The following KIRREL3 variants were observed in gnomAD, a reference collection of about 807,000 sequenced individuals.
KIRREL3 encodes kin of IRRE-like protein 3.
A neutral mutation model predicts 89.7 loss-of-function variants in KIRREL3; 36 were observed. That is an observed-to-expected ratio of 0.40 (90% CI 0.31 to 0.53). The LOEUF is 0.53. KIRREL3 is among the 20% of genes least tolerant of loss of function. KIRREL3 has a pLI of 0.49. For missense variants in KIRREL3, 864 were observed against 1,056.6 expected, an observed-to-expected ratio of 0.82 and a Z score of 2.53; for synonymous variants, 445 against 441.4, an observed-to-expected ratio of 1.01 and a Z score of -0.10.
In KIRREL3 at chr11:126,811,747, C is replaced by A. The variant is rs992694669; in HGVS notation, c.55+188708G>T. Among the ~76,000 whole-genome samples the A allele has an allele frequency of 2.0e-5, 3 of 152,098 alleles. No homozygotes were observed. Among genetic ancestry groups the A allele is most frequent in the Non-Finnish European group, 4.4e-5 (3 of 68,012 alleles). On this transcript the variant is annotated intron_variant, in intron 1 of 16. Coordinates refer to ENST00000525144, the MANE Select transcript of KIRREL3 (RefSeq NM_032531.4). The surrounding 1 kb of genome is among the most constrained non-coding windows in gnomAD (Gnocchi z 4.3). ...GATTACCGGCGCCTGCTACCATGCC[C>A]AGCTAATTTTTGTACCTTTAGTAGA...
rs994561672 is a variant in KIRREL3, at chr11:126,642,534, G to T, written c.56-79622C>A. Among the ~76,000 whole-genome samples the T allele has an allele frequency of 6.6e-6, 1 of 152,170 alleles. No individual in the cohort carries two copies. The highest frequency in any genetic ancestry group is 1.5e-5 in the Non-Finnish European group (1 of 68,036). On this transcript the variant is annotated intron_variant, in intron 1 of 16. Transcript: ENST00000525144. This position sits in a 1 kb window ranked among gnomAD's most constrained non-coding sequence, Gnocchi z 4.9. The stretch of plus-strand genomic sequence containing the variant: ...ATCCCCTTTCCTCTGCCTTTTCCAA[G>T]CAAACTCTTACTCTAGGAAATACAT...
chr11:126,719,272 C>T lies in KIRREL3; in HGVS notation c.56-156360G>A, dbSNP rs1216789283. Among the ~76,000 whole-genome samples the T allele has an allele frequency of 2.0e-5, 3 of 152,194 alleles. No individual in the cohort carries two copies. Among genetic ancestry groups the T allele is most frequent in the Non-Finnish European group, 4.4e-5 (3 of 68,046 alleles). Reference sequence around the variant, plus strand: ...TGTTGACAAATCCAATGGTCAACTCCTTGTTGACACAAATGGCCAGCTCTT... The same window carrying T: ...TGTTGACAAATCCAATGGTCAACTCTTTGTTGACACAAATGGCCAGCTCTT... On this transcript the variant is annotated intron_variant, in intron 1 of 16. Transcript: ENST00000525144. The surrounding 1 kb of genome is among the most constrained non-coding windows in gnomAD (Gnocchi z 4.7).
At chr11:126,650,163 G>T (rs775351104) in intron 1 of KIRREL3, among the ~76,000 whole-genome samples, 1 of 152,222 alleles carries the variant, frequency 6.6e-6, no homozygotes, top group South Asian at 2.1e-4. Flanking sequence ...CCCTGGGCCC[G>T]TCCCATGAAA....
At chr11:126,922,526 A>G (rs1947394246) in intron 1 of KIRREL3, among the ~76,000 whole-genome samples, 2 of 151,976 alleles carry the variant, frequency 1.3e-5, no homozygotes, top group South Asian at 4.2e-4. Flanking sequence ...AGAAGCATGT[A>G]ACGTTCCCTC....
Position 126,684,816 on chromosome 11 carries a change from G to C in KIRREL3, c.56-121904C>G, listed in dbSNP as rs967665545. ...GAAAGGTGCGGCAGGTTGCGTGTGC[G>C]GGAGGGGAGAGGTAGTGTTGGCTTG... is the stretch of plus-strand genomic sequence containing the variant. On this transcript the variant is annotated intron_variant, in intron 1 of 16. Transcript: ENST00000525144. This position sits in a 1 kb window ranked among gnomAD's most constrained non-coding sequence, Gnocchi z 4.2. 6.6e-6 allele frequency among the ~76,000 whole-genome samples: 1 copy of C among 152,138 alleles called. No individual in the cohort carries two copies. The highest frequency in any genetic ancestry group is 2.4e-5 in the African/African-American group (1 of 41,426).
At chr11:126,818,521 G>A (rs1287332206) in intron 1 of KIRREL3, among the ~76,000 whole-genome samples, 1 of 152,000 alleles carries the variant, frequency 6.6e-6, no homozygotes, top group Non-Finnish European at 1.5e-5. Context: ...ATAAAAACAT[G>A]TCTATACCTA....
At chr11:126,823,334 T>G (rs1192627029) in intron 1 of KIRREL3, among the ~76,000 whole-genome samples, 1 of 152,212 alleles carries the variant, frequency 6.6e-6, no homozygotes, top group African/African-American at 2.4e-5. Context: ...GTTGCTCATC[T>G]AACCTCCAGG....
chr11:126,436,969 G>A lies in KIRREL3; in HGVS notation c.1394C>T (p.Ser465Leu), dbSNP rs1327910899. Residue 465 changes from serine (S) to leucine (L), a missense_variant, in exon 12 of 17, where the codon TCG becomes TTG. By Grantham distance (145) the Ser-to-Leu change is moderately radical (BLOSUM62 -2). Transcript: ENST00000525144. ...GATGGTCTCCACCGTATAGCGCCCC[G>A]ATGTGCCCGACTCCAGAACGTTCTC... ...WKENVLESGT[S>L]GRYTVETIST... 6 of 1,584,342 alleles carry A rather than the reference G, an allele frequency of 3.8e-6. No individual in the cohort carries two copies. Among genetic ancestry groups the A allele is most frequent in the East Asian group, 4.5e-5 (2 of 43,994 alleles).
intron 1 of KIRREL3, among the ~76,000 whole-genome samples, chr11:126,790,007 T>C (rs945207759): frequency 6.6e-6 from 1 of 152,214 alleles, no homozygotes; most frequent in Non-Finnish European, 1.5e-5. Flanking sequence ...CCTGAACCTC[T>C]TGATGTCTCA....
At chr11:126,894,757 T>C (rs760869532) in intron 1 of KIRREL3, among the ~76,000 whole-genome samples, 8 of 150,958 alleles carry the variant, frequency 5.3e-5, no homozygotes, top group Non-Finnish European at 7.4e-5. Context: ...TCAAAATCAA[T>C]CAATTGATCA....
chr11:126,729,926 C>T lies in KIRREL3; in HGVS notation c.56-167014G>A, dbSNP rs1419822882. 6.6e-6 allele frequency among the ~76,000 whole-genome samples: 1 copy of T among 152,180 alleles called. No homozygotes were observed. Among genetic ancestry groups the T allele is most frequent in the Admixed American group, 6.5e-5 (1 of 15,286 alleles). On this transcript the variant is annotated intron_variant, in intron 1 of 16. Transcript: ENST00000525144. The surrounding 1 kb of genome is among the most constrained non-coding windows in gnomAD (Gnocchi z 4.5). ...CTGGCAGACAGTTTTCTGCCCTTCCCTTCCTTGACATTTCTGTGACATTTG... is the reference window on the plus strand; with the variant it reads ...CTGGCAGACAGTTTTCTGCCCTTCCTTTCCTTGACATTTCTGTGACATTTG...
In KIRREL3 at chr11:126,708,633, G is replaced by C. The variant is rs980096958; in HGVS notation, c.56-145721C>G. ...CTCAACGTCCAGGAGAGGCACCGGCGAACTCGAGAGCCAAGAGCGGCACTC... is the reference window on the plus strand; with the variant it reads ...CTCAACGTCCAGGAGAGGCACCGGCCAACTCGAGAGCCAAGAGCGGCACTC... On this transcript the variant is annotated intron_variant, in intron 1 of 16. Coordinates refer to ENST00000525144, the MANE Select transcript of KIRREL3 (RefSeq NM_032531.4). The surrounding 1 kb of genome is among the most constrained non-coding windows in gnomAD (Gnocchi z 5.7). 2.0e-5 allele frequency among the ~76,000 whole-genome samples: 3 copies of C among 152,140 alleles called. No individual in the cohort carries two copies. The highest frequency in any genetic ancestry group is 6.5e-5 in the Admixed American group (1 of 15,278).
intron 1 of KIRREL3, among the ~76,000 whole-genome samples, chr11:126,593,384 C>T (rs904194017): frequency 6.6e-6 from 1 of 152,226 alleles, no homozygotes; most frequent in African/African-American, 2.4e-5. Context: ...AGCAAGCAGC[C>T]TCATCACACT....
In KIRREL3 at chr11:126,782,035, A is replaced by G. The variant is rs1950341009; in HGVS notation, c.55+218420T>C. On this transcript the variant is annotated intron_variant, in intron 1 of 16. Coordinates refer to ENST00000525144, the MANE Select transcript of KIRREL3 (RefSeq NM_032531.4). The surrounding 1 kb of genome is among the most constrained non-coding windows in gnomAD (Gnocchi z 4.1). ...GGGGAAAGTTAACACATTGACTAAAATTCACACTAGGATTAAAGCAGAGAC... is the reference window on the plus strand; with the variant it reads ...GGGGAAAGTTAACACATTGACTAAAGTTCACACTAGGATTAAAGCAGAGAC... 6.6e-6 allele frequency among the ~76,000 whole-genome samples: 1 copy of G among 152,224 alleles called. No homozygotes were observed. The highest frequency in any genetic ancestry group is 2.4e-5 in the African/African-American group (1 of 41,454).
At chr11:126,470,832 G>A (rs185677594) in intron 5 of KIRREL3, among the ~76,000 whole-genome samples, 1 of 152,274 alleles carries the variant, frequency 6.6e-6, no homozygotes, top group Non-Finnish European at 1.5e-5. Context: ...GAGAAGGACA[G>A]TCACTTCCCC....
At chr11:126,505,298 A>G (rs1471503324) in intron 4 of KIRREL3, among the ~76,000 whole-genome samples, 1 of 152,256 alleles carries the variant, frequency 6.6e-6, no homozygotes. Context: ...AGCCAGGCAC[A>G]GTGGCTCACA....
At chr11:126,425,902 G>A (rs1004315874) in intron 15 of KIRREL3, among the ~76,000 whole-genome samples, 178 bp from the exon 16 acceptor site, 3 of 152,218 alleles carry the variant, frequency 2.0e-5, no homozygotes, top group Admixed American at 2.0e-4. Context: ...TAGGAGACAG[G>A]GAAGCAGTTG....
intron 1 of KIRREL3, among the ~76,000 whole-genome samples, chr11:126,583,885 C>T (rs528943882): frequency 5.9e-5 from 9 of 152,194 alleles, no homozygotes; most frequent in Non-Finnish European, 1.2e-4. Flanking sequence ...GTGTGCAACC[C>T]GCTGTGGAGG....
rs1045781795 is a variant in KIRREL3 at position 126,508,475 on chromosome 11, G to T, written c.433+12840C>A. On this transcript the variant is annotated intron_variant, in intron 4 of 16. Transcript: ENST00000525144. The surrounding 1 kb of genome is among the most constrained non-coding windows in gnomAD (Gnocchi z 4.9). ...CTGAGGAGGAGGGGCTGCCAGGAAG[G>T]GTTTTTGGAAGCCTTGGGTTTGCTC... 1.3e-5 allele frequency among the ~76,000 whole-genome samples: 2 copies of T among 152,168 alleles called. No individual in the cohort carries two copies. Among genetic ancestry groups the T allele is most frequent in the Non-Finnish European group, 2.9e-5 (2 of 68,044 alleles).
Sources: gnomAD v4.1 joint callset for allele counts (sites outside exome capture counted in the v4.1 genomes callset) on GRCh38, gnomAD v4.1.1 for gene constraint, Gnocchi (gnomAD v3.1) non-coding constraint, MANE v1.5 for transcripts, NCBI Gene and HGNC (gene_info 2026-07-23, HGNC 2026-07-21) for gene names.